OMA1: variants seen among roughly 807,000 people sequenced by gnomAD.
The protein encoded by OMA1 is metalloendopeptidase OMA1, mitochondrial.
A neutral mutation model predicts 30.9 loss-of-function variants in OMA1; 38 were observed. The observed-to-expected ratio is 1.23, with a 90% CI of 0.95 to 1.61. The LOEUF (loss-of-function observed/expected upper bound fraction) is 1.61. Among genes scored for constraint, OMA1 ranks in the 40% most tolerant of loss-of-function variants. The pLI is 0.00. For missense variants in OMA1, 461 were observed against 349.2 expected (o/e 1.32, Z -2.55); for synonymous variants, 173 against 121.9 (o/e 1.42, Z -2.76).
At position 58,530,655 on chromosome 1, in the gene OMA1, A is replaced by G. The variant is rs765736813; in HGVS notation, c.1086T>C (p.Cys362=). 1.1e-6 allele frequency: 1 copy of G among 872,858 alleles called. No individual in the cohort carries two copies. Among genetic ancestry groups the G allele is most frequent in the Non-Finnish European group, 2.0e-6 (1 of 501,610 alleles). The allele number at this position is 872,858 out of a possible 1,614,324, so 54.1% of individuals were successfully genotyped here. The change falls in exon 6 of 9, where the codon TGT becomes TGC. Residue 362 remains cysteine (C), a synonymous_variant. Transcript: ENST00000371226. The part of the protein sequence containing the change: ...MIFLTMIWAI[C]PRDSLALLCQ... ...ACAAAAGTGCCAAGCTATCTCGAGG[A>G]CAAATGGCCCAAATCATTGTGAGGA...
intron 7 of OMA1, among the ~76,000 whole-genome samples, chr1:58,518,445 G>A (rs1339277432): frequency 6.6e-6 from 1 of 151,850 alleles, no homozygotes; most frequent in Non-Finnish European, 1.5e-5. Flanking sequence ...ACTTGTGGCA[G>A]GGTGGAGAAT....
intron 8 of OMA1, among the ~76,000 whole-genome samples, chr1:58,497,938 C>T (rs953356018): frequency 6.6e-6 from 1 of 152,128 alleles, no homozygotes; most frequent in Non-Finnish European, 1.5e-5. Flanking sequence ...AGGAAGTATA[C>T]ATGTTAAAAA....
At chr1:58,523,847 C>A (rs1425677384) in intron 7 of OMA1, among the ~76,000 whole-genome samples, 2 of 151,342 alleles carry the variant, frequency 1.3e-5, no homozygotes, top group Non-Finnish European at 2.9e-5. Flanking sequence ...TGCAGTGAGC[C>A]GAGATCACAC....
intron 6 of OMA1, 46 bp from the exon 7 acceptor site, chr1:58,527,381 C>T (rs376007181): frequency 5.7e-5 from 48 of 838,770 alleles, no homozygotes; most frequent in East Asian, 1.4e-4. Context: ...ATTTATTTCA[C>T]GAAAAAAGGA....
At chr1:58,530,503 T>G (rs1299005996) in intron 6 of OMA1, 98 bp downstream of exon 6, 1 of 694,330 alleles carries the variant, frequency 1.4e-6, no homozygotes, top group Non-Finnish European at 2.5e-6. Flanking sequence ...TATTTCATAG[T>G]AAAATGTAAA....
Position 58,539,054 on chromosome 1 carries a change from C to G in OMA1, c.241G>C (p.Gly81Arg). Reference sequence around the variant, plus strand: ...TCCTTACTTTTGGTACTTGAGAGGCCTCCTGTTCTTTTGTTGTTAAAAGTA... The same window carrying G: ...TCCTTACTTTTGGTACTTGAGAGGCGTCCTGTTCTTTTGTTGTTAAAAGTA... Reference protein sequence around the residue: ...YSTFNNKRTGGLSSTKSKEIW... With the variant: ...YSTFNNKRTGRLSSTKSKEIW... The change falls in exon 2 of 9, where the codon GGC (glycine) becomes CGC (arginine). Residue 81 changes from glycine (G) to arginine (R), a missense_variant. Coordinates refer to ENST00000371226, the MANE Select transcript of OMA1 (RefSeq NM_145243.5). 1.1e-6 allele frequency: 1 copy of G among 872,866 alleles called. No homozygotes were observed. Among genetic ancestry groups the G allele is most frequent in the Non-Finnish European group, 2.0e-6 (1 of 501,644 alleles). The allele number at this position is 872,866 out of a possible 1,614,324, so 54.1% of individuals were successfully genotyped here.
In OMA1 at chr1:58,533,439, A is replaced by G. The variant is rs1203334468; in HGVS notation, c.1011+514T>C. 2.0e-5 allele frequency among the ~76,000 whole-genome samples: 3 copies of G among 151,474 alleles called. No individual in the cohort carries two copies. In the East Asian group the frequency reaches 5.8e-4, roughly 30 times the overall value. On this transcript the variant is annotated intron_variant, in intron 5 of 8. Transcript: ENST00000371226. ...ATTAAAATTATGAATGGGAAGCCACATATACTAAAAAGCTCAGTAAACTGT... is the reference window on the plus strand; with the variant it reads ...ATTAAAATTATGAATGGGAAGCCACGTATACTAAAAAGCTCAGTAAACTGT...
At chr1:58,509,536 TAA>T (rs59473637) in intron 7 of OMA1, among the ~76,000 whole-genome samples, 4 of 116,950 alleles carry the variant, frequency 3.4e-5, no homozygotes, top group African/African-American at 6.4e-5. Flanking sequence ...ACACCTACAT[TAA>T]AAAAAAAAAG....
At chr1:58,533,860 A>C (rs1646474849) in intron 5 of OMA1, 93 bp downstream of exon 5, 1 of 763,974 alleles carries the variant, frequency 1.3e-6, no homozygotes, top group East Asian at 2.5e-5. Context: ...TATCATTTTT[A>C]AAAAACCTGA....
intron 1 of OMA1, among the ~76,000 whole-genome samples, chr1:58,543,059 A>C (rs138594071): frequency 1.2e-3 from 189 of 152,182 alleles, no homozygotes; most frequent in African/African-American, 4.3e-3. Context: ...TAAGTGAGAG[A>C]CCACAAAGCC....
At chr1:58,530,443 G>A (rs1409806102) in intron 6 of OMA1, among the ~76,000 whole-genome samples, 158 bp downstream of exon 6, 1 of 152,062 alleles carries the variant, frequency 6.6e-6, no homozygotes, top group Non-Finnish European at 1.5e-5. Flanking sequence ...TCATATATAA[G>A]AATATCCCCT....
chr1:58,540,320 C>T (rs575111130), intron 1 of OMA1, among the ~76,000 whole-genome samples: 10 of 151,648 alleles, frequency 6.6e-5, no homozygotes, highest in Admixed American at 2.0e-4. Flanking sequence ...GGACACAAAA[C>T]TATTTAACAC....
chr1:58,539,243 G>T lies in OMA1; in HGVS notation c.52C>A (p.Arg18=). 1 of 870,080 alleles carries T rather than the reference G, an allele frequency of 1.1e-6. No individual in the cohort carries two copies. Among genetic ancestry groups the T allele is most frequent in the Non-Finnish European group, 2.0e-6 (1 of 501,002 alleles). 53.9% of individuals were successfully genotyped at this position (870,080 alleles called of 1,614,324 possible). A position where few individuals can be genotyped will look rare whatever the true frequency, so the allele number is the denominator to read the frequency against. Residue 18 remains arginine, a synonymous_variant, in exon 2 of 9, where the codon CGA becomes AGA. Coordinates refer to ENST00000371226, the MANE Select transcript of OMA1 (RefSeq NM_145243.5). The part of the protein sequence containing the change: ...QSAARNHVFF[R]FNSLSNWRKC... Reference sequence around the variant, plus strand: ...CTCCAGTTAGACAGTGAATTAAATCGGAAGAAAACATGGTTTCTAGCAGCA... The same window carrying T: ...CTCCAGTTAGACAGTGAATTAAATCTGAAGAAAACATGGTTTCTAGCAGCA...
chr1:58,528,985 T>C (rs1477403813), intron 6 of OMA1, among the ~76,000 whole-genome samples: 5 of 152,234 alleles, frequency 3.3e-5, no homozygotes, highest in Non-Finnish European at 7.3e-5. Flanking sequence ...CCAACTGTGC[T>C]GATTCCATTA....
intron 8 of OMA1, among the ~76,000 whole-genome samples, chr1:58,494,963 T>A (rs1263302305): frequency 6.6e-6 from 1 of 152,168 alleles, no homozygotes; most frequent in Non-Finnish European, 1.5e-5. Context: ...TAAAGACACA[T>A]GCACACGTAT....
intron 8 of OMA1, among the ~76,000 whole-genome samples, chr1:58,490,216 A>G (rs1159905151): frequency 6.6e-6 from 1 of 152,222 alleles, no homozygotes; most frequent in South Asian, 2.1e-4. Context: ...CGAATGACTA[A>G]CTAGAATAAC....
chr1:58,490,628 G>C (rs1645664384), intron 8 of OMA1, among the ~76,000 whole-genome samples: 1 of 151,472 alleles, frequency 6.6e-6, no homozygotes. Flanking sequence ...GCAACTCCAA[G>C]ACACATAATT....
At chr1:58,504,686 T>C (rs1439343889) in intron 8 of OMA1, among the ~76,000 whole-genome samples, 1 of 152,210 alleles carries the variant, frequency 6.6e-6, no homozygotes, top group African/African-American at 2.4e-5. Flanking sequence ...TAAATATCGA[T>C]CTACCTAATG....
chr1:58,544,407 T>C (rs748691419), intron 1 of OMA1, among the ~76,000 whole-genome samples: 19 of 152,194 alleles, frequency 1.2e-4, no homozygotes, highest in Non-Finnish European at 2.2e-4. Flanking sequence ...TATGCTAGTA[T>C]ATACAAAAAT....
Sources: gnomAD v4.1 joint callset for allele counts (sites outside exome capture counted in the v4.1 genomes callset) on GRCh38, gnomAD v4.1.1 for gene constraint, MANE v1.5 for transcripts, NCBI Gene and HGNC (gene_info 2026-07-23, HGNC 2026-07-21) for gene names.